TRMT11: variants seen among roughly 807,000 people sequenced by gnomAD.
TRMT11 encodes the protein tRNA methyltransferase 11, also known as tRNA (guanine(10)-N(2))-methyltransferase TRMT11.
TRMT11 carries 53 observed loss-of-function variants against 62.8 expected under a neutral mutation model. That is an observed-to-expected ratio of 0.84 (90% CI 0.68 to 1.06). TRMT11 has a LOEUF of 1.06. Among genes scored for constraint, TRMT11 ranks in the 50% least tolerant of loss-of-function variants. The pLI, the probability that TRMT11 is intolerant of heterozygous loss-of-function variation, is 0.00. For synonymous variants in TRMT11, 188 were observed against 190.3 expected (o/e 0.99, Z 0.10); for missense variants, 556 against 553.4 (o/e 1.00, Z -0.05).
chr6:126,209,513 G>C, the TRMT11 span, among the ~76,000 whole-genome samples: 1 of 151,638 alleles, frequency 6.6e-6, no homozygotes, highest in Non-Finnish European at 1.5e-5. Context: ...AAGGTCAGGA[G>C]ATCGAGACCA....
At chr6:126,034,697 G>T (rs576411257) in intron 12 of TRMT11, among the ~76,000 whole-genome samples, 1 of 151,962 alleles carries the variant, frequency 6.6e-6, no homozygotes, top group South Asian at 2.1e-4. Context: ...GGCAGAACTC[G>T]GGTTTTATGA....
chr6:126,211,838 G>T, the TRMT11 span, among the ~76,000 whole-genome samples: 5 of 151,908 alleles, frequency 3.3e-5, no homozygotes, highest in Non-Finnish European at 7.4e-5. Flanking sequence ...ATTGATTACA[G>T]TTTCCCTGTT....
At chr6:126,102,436 C>T (rs897713821) in intron 17 of TRMT11, among the ~76,000 whole-genome samples, 1 of 151,836 alleles carries the variant, frequency 6.6e-6, no homozygotes. Context: ...ATGCTGGCCT[C>T]GTCGTTGAAA....
chr6:126,043,310 T>C (rs1270976399), downstream of TRMT11, among the ~76,000 whole-genome samples: 1 of 150,676 alleles, frequency 6.6e-6, no homozygotes, highest in Non-Finnish European at 1.5e-5. Flanking sequence ...GGTGTTTTGT[T>C]TTTTGTTCTT....
chr6:126,082,460 G>A (rs1188850398), intron 17 of TRMT11, among the ~76,000 whole-genome samples: 2 of 151,940 alleles, frequency 1.3e-5, no homozygotes, highest in African/African-American at 4.8e-5. Context: ...TTCTCTTGTT[G>A]GAAGACTTGG....
At chr6:126,044,064 TC>T (rs1429032135), downstream of TRMT11, among the ~76,000 whole-genome samples, 1 of 151,656 alleles carries the variant, frequency 6.6e-6, no homozygotes, top group Non-Finnish European at 1.5e-5. Context: ...TTTAATTAGA[TC>T]CCATTTGTCA....
At chr6:126,068,567 G>A (rs568494869) in intron 17 of TRMT11, among the ~76,000 whole-genome samples, 1 of 152,268 alleles carries the variant, frequency 6.6e-6, no homozygotes, top group South Asian at 2.1e-4. Flanking sequence ...TCTGTTTTAA[G>A]GCTTTGTTTC....
chr6:126,233,111 G>T, the TRMT11 span, among the ~76,000 whole-genome samples: 1 of 152,122 alleles, frequency 6.6e-6, no homozygotes, highest in Admixed American at 6.5e-5. Context: ...ACATGGATGG[G>T]TCAGTATTGA....
At chr6:126,205,189 TG>T (rs1286946710), downstream of TRMT11, among the ~76,000 whole-genome samples, 1 of 152,204 alleles carries the variant, frequency 6.6e-6, no homozygotes, top group Non-Finnish European at 1.5e-5. Context: ...TTTATTTTCT[TG>T]CTCTCTAAAG....
chr6:126,022,844 G>A (rs1030812312), intron 12 of TRMT11, among the ~76,000 whole-genome samples: 1 of 152,122 alleles, frequency 6.6e-6, no homozygotes, highest in African/African-American at 2.4e-5. Flanking sequence ...TATATGTGGT[G>A]TAATTAAAAT....
the TRMT11 span, among the ~76,000 whole-genome samples, chr6:126,223,721 T>C: frequency 6.6e-6 from 1 of 152,210 alleles, no homozygotes. Context: ...CAAGGTTGTG[T>C]AAATTTTTAC....
the TRMT11 span, among the ~76,000 whole-genome samples, chr6:126,242,993 A>G: frequency 1.3e-5 from 2 of 152,182 alleles, no homozygotes; most frequent in Non-Finnish European, 2.9e-5. Flanking sequence ...CAGAGTGAAC[A>G]GGCAACCTAC....
chr6:126,028,399 TGAGA>T (rs747878549), intron 12 of TRMT11, among the ~76,000 whole-genome samples: 4 of 151,908 alleles, frequency 2.6e-5, no homozygotes, highest in Admixed American at 2.0e-4. Context: ...TGTGTGTATC[TGAGA>T]GAGAGAGAGT....
At chr6:126,038,575 G>A (rs1182458258) in intron 12 of TRMT11, 130 bp from the exon 13 acceptor site, 1 of 656,628 alleles carries the variant, frequency 1.5e-6, no homozygotes, top group Non-Finnish European at 2.5e-6. Flanking sequence ...TCTAATTCAA[G>A]TAGTGAAGGA....
intron 17 of TRMT11, among the ~76,000 whole-genome samples, chr6:126,093,001 G>A (rs933751143): frequency 3.3e-5 from 5 of 152,132 alleles, no homozygotes; most frequent in African/African-American, 1.2e-4. Flanking sequence ...TTAAGTGCTG[G>A]AATTTGTGGG....
At chr6:126,252,547 G>A in the TRMT11 span, among the ~76,000 whole-genome samples, 2 of 152,136 alleles carry the variant, frequency 1.3e-5, no homozygotes, top group East Asian at 1.9e-4. Context: ...AAGGGCCAGA[G>A]ACCCCTTCTC....
intron 17 of TRMT11, among the ~76,000 whole-genome samples, chr6:126,063,180 C>A (rs1018510350): frequency 5.3e-5 from 8 of 151,852 alleles, no homozygotes; most frequent in Non-Finnish European, 1.2e-4. Context: ...TTGTTTATTT[C>A]ATTCTAGTGA....
At chr6:126,262,389 G>A in the TRMT11 span, among the ~76,000 whole-genome samples, 6 of 152,172 alleles carry the variant, frequency 3.9e-5, no homozygotes, top group Non-Finnish European at 8.8e-5. Context: ...TGTGCTGTAT[G>A]GACTTGAGCA....
chr6:126,263,854 G>A, the TRMT11 span, among the ~76,000 whole-genome samples: 1 of 152,178 alleles, frequency 6.6e-6, no homozygotes, highest in East Asian at 1.9e-4. Flanking sequence ...TGGAGGAAAG[G>A]TTAGCGATTA....
Sources: gnomAD v4.1 joint callset for allele counts (sites outside exome capture counted in the v4.1 genomes callset) on GRCh38, gnomAD v4.1.1 for gene constraint, MANE v1.5 for transcripts, NCBI Gene and HGNC (gene_info 2026-07-23, HGNC 2026-07-21) for gene names.